Variants in SLCO5A1 observed in about 807,000 individuals in gnomAD.
SLCO5A1 encodes the protein solute carrier organic anion transporter family member 5A1.
In SLCO5A1, 39 loss-of-function variants were observed where a neutral mutation model predicts 65.1. That is an observed-to-expected ratio of 0.60 (90% confidence interval 0.46 to 0.78). The LOEUF (loss-of-function observed/expected upper bound fraction) is 0.78. Ranked by LOEUF, SLCO5A1 falls within the 30% of genes least tolerant of loss-of-function variation. The probability of loss-of-function intolerance (pLI) is 0.00; values close to 1 mark genes in which losing one functional copy is unlikely to be tolerated. For missense variants in SLCO5A1, 1,029 were observed against 1,069.4 expected, an observed-to-expected ratio of 0.96 and a Z score of 0.53; for synonymous variants, 438 against 415.7, an observed-to-expected ratio of 1.05 and a Z score of -0.65.
At chr8:69,807,782 C>T (rs1362402913) in intron 2 of SLCO5A1, among the ~76,000 whole-genome samples, 1 of 152,242 alleles carries the variant, frequency 6.6e-6, no homozygotes, top group African/African-American at 2.4e-5. Flanking sequence ...CGGCTCACTG[C>T]AAACTCTGCC....
chr8:69,762,401 T>C (rs1353598692), intron 2 of SLCO5A1, among the ~76,000 whole-genome samples: 2 of 152,050 alleles, frequency 1.3e-5, no homozygotes, highest in Admixed American at 6.6e-5. Context: ...TCAGCCAGGA[T>C]GGTCTCGATC....
At chr8:69,739,733 G>T (rs544468294) in intron 4 of SLCO5A1, among the ~76,000 whole-genome samples, 2 of 152,004 alleles carry the variant, frequency 1.3e-5, no homozygotes, top group African/African-American at 4.8e-5. Flanking sequence ...AAATTAAGAT[G>T]CATGCTTTAT....
At chr8:69,728,708 A>AG (rs1816203727) in intron 5 of SLCO5A1, among the ~76,000 whole-genome samples, 2 of 152,180 alleles carry the variant, frequency 1.3e-5, no homozygotes, top group African/African-American at 4.8e-5. Context: ...ACATACAAAC[A>AG]CACACACACT....
At chr8:69,802,354 G>C (rs142252582) in intron 2 of SLCO5A1, among the ~76,000 whole-genome samples, 1 of 151,108 alleles carries the variant, frequency 6.6e-6, no homozygotes, top group Non-Finnish European at 1.5e-5. Context: ...ATAATGAACC[G>C]AATTAGCCAG....
At chr8:69,756,782 A>T (rs1056301031) in intron 3 of SLCO5A1, among the ~76,000 whole-genome samples, 3 of 152,234 alleles carry the variant, frequency 2.0e-5, no homozygotes, top group African/African-American at 7.2e-5. Flanking sequence ...AAATTGTAGT[A>T]TTAGAGCCCT....
At chr8:69,717,431 G>C (rs1201266876) in intron 5 of SLCO5A1, among the ~76,000 whole-genome samples, 1 of 152,110 alleles carries the variant, frequency 6.6e-6, no homozygotes, top group East Asian at 1.9e-4. Context: ...TATTTCTGGG[G>C]TCTCTACCCT....
At chr8:69,774,595 G>A (rs1040797286) in intron 2 of SLCO5A1, among the ~76,000 whole-genome samples, 5 of 152,154 alleles carry the variant, frequency 3.3e-5, no homozygotes, top group Non-Finnish European at 5.9e-5. Flanking sequence ...TGCCACACAT[G>A]GCAGTGAACC....
intron 3 of SLCO5A1, among the ~76,000 whole-genome samples, chr8:69,759,782 A>T (rs185064228): frequency 1.3e-5 from 2 of 152,260 alleles, no homozygotes; most frequent in Admixed American, 1.3e-4. Flanking sequence ...AGTAGCTGGG[A>T]CTACAGGCAT....
chr8:69,823,591 A>G (rs553843550), intron 2 of SLCO5A1, among the ~76,000 whole-genome samples: 5 of 152,312 alleles, frequency 3.3e-5, no homozygotes, highest in Admixed American at 2.0e-4. Flanking sequence ...CTAAATATAT[A>G]TGCACCCAAT....
At chr8:69,693,689 T>G (rs1814371020) in intron 6 of SLCO5A1, among the ~76,000 whole-genome samples, 1 of 152,234 alleles carries the variant, frequency 6.6e-6, no homozygotes. Context: ...AAAAATACCA[T>G]TAAATAGTTA....
At chr8:69,688,765 C>G (rs1814110946) in intron 6 of SLCO5A1, among the ~76,000 whole-genome samples, 1 of 152,118 alleles carries the variant, frequency 6.6e-6, no homozygotes, top group African/African-American at 2.4e-5. Flanking sequence ...GGTTCCAAGT[C>G]TTTGCTATTG....
intron 2 of SLCO5A1, among the ~76,000 whole-genome samples, chr8:69,782,864 C>A (rs1478259207): frequency 6.6e-6 from 1 of 152,100 alleles, no homozygotes; most frequent in East Asian, 1.9e-4. Context: ...TTCCTCAGGG[C>A]AATTATGACT....
intron 5 of SLCO5A1, among the ~76,000 whole-genome samples, chr8:69,729,790 A>G (rs569543372): frequency 6.7e-4 from 102 of 152,256 alleles, no homozygotes; most frequent in Non-Finnish European, 1.2e-3. Flanking sequence ...CCCGCCCCAG[A>G]AAGTTTCCAC....
rs202167688 is a variant in SLCO5A1 at position 69,826,221 on chromosome 8, C to A, written c.907+5546G>T. Reference sequence around the variant, plus strand: ...TTACCATTCAGGACATAGGCATGGGCAAGGACTTCATGTCTAAAACACCAA... The same window carrying A: ...TTACCATTCAGGACATAGGCATGGGAAAGGACTTCATGTCTAAAACACCAA... On this transcript the variant is annotated intron_variant, in intron 2 of 9. Coordinates refer to ENST00000260126, the MANE Select transcript of SLCO5A1 (RefSeq NM_030958.3). Among the ~76,000 whole-genome samples, 600 of 151,854 alleles carry A rather than the reference C, an allele frequency of 4.0e-3. 5 individuals carry two copies. Among genetic ancestry groups the A allele is most frequent in the South Asian group, 0.022 (107 of 4,800 alleles).
intron 2 of SLCO5A1, among the ~76,000 whole-genome samples, chr8:69,763,829 A>T (rs1371637070): frequency 6.6e-6 from 1 of 151,836 alleles, no homozygotes; most frequent in Non-Finnish European, 1.5e-5. Context: ...TCCAAACCTA[A>T]TTTTTTCCTA....
chr8:69,797,862 G>C (rs572107950), intron 2 of SLCO5A1, among the ~76,000 whole-genome samples: 8 of 152,212 alleles, frequency 5.3e-5, no homozygotes, highest in African/African-American at 1.9e-4. Flanking sequence ...ATCTCGCCCT[G>C]CCTCCATTTG....
chr8:69,703,601 A>G (rs1814843786), intron 6 of SLCO5A1, among the ~76,000 whole-genome samples: 1 of 152,228 alleles, frequency 6.6e-6, no homozygotes, highest in East Asian at 1.9e-4. Flanking sequence ...AAAGTGGAAT[A>G]CAATGGAATG....
rs751515522 is a variant in SLCO5A1, at chr8:69,832,292, G to C, written c.382C>G (p.Arg128Gly). The C allele has an allele frequency of 3.1e-6, 5 of 1,614,194 alleles. No homozygotes were observed. In the South Asian group the frequency reaches 3.3e-5, roughly 11 times the overall value. Residue 128 changes from arginine (R) to glycine (G), a missense_variant, in exon 2 of 10, where the codon CGT becomes GGT. By Grantham distance (125) the Arg-to-Gly change is moderately radical. This residue lies in a region of SLCO5A1 where 647 missense variants were observed against 647.5 expected (regional missense o/e 1.00). Coordinates refer to ENST00000260126, the MANE Select transcript of SLCO5A1 (RefSeq NM_030958.3). The surrounding 1 kb of genome is among the most constrained non-coding windows in gnomAD (Gnocchi z 4.5). ...AAGCACATGCACACCAGGAAGCAACGGGAATCCGTGAGGACCACGTAGAGG... is the reference window on the plus strand; with the variant it reads ...AAGCACATGCACACCAGGAAGCAACCGGAATCCGTGAGGACCACGTAGAGG... Reference protein sequence around the residue: ...RCLYVVLTDSRCFLVCMCFLT... With the variant: ...RCLYVVLTDSGCFLVCMCFLT...
chr8:69,806,321 A>T (rs1344478868), intron 2 of SLCO5A1, among the ~76,000 whole-genome samples: 1 of 152,218 alleles, frequency 6.6e-6, no homozygotes, highest in Non-Finnish European at 1.5e-5. Context: ...GATTTATAGC[A>T]CTTGCCTTGG....
Sources: gnomAD v4.1 joint callset for allele counts (sites outside exome capture counted in the v4.1 genomes callset) on GRCh38, gnomAD v4.1.1 for gene constraint, gnomAD v4.1.1 regional missense constraint, Gnocchi (gnomAD v3.1) non-coding constraint, MANE v1.5 for transcripts, NCBI Gene and HGNC (gene_info 2026-07-23, HGNC 2026-07-21) for gene names.